The following PAEP variants were observed in gnomAD, a reference collection of about 807,000 sequenced individuals.
The protein encoded by PAEP is progestagen associated endometrial protein.
PAEP carries 28 observed loss-of-function variants against 23.0 expected under a neutral mutation model. That is an observed-to-expected ratio of 1.22 (90% CI 0.90 to 1.67). The LOEUF (loss-of-function observed/expected upper bound fraction) is 1.67, where lower values mean the gene tolerates loss of function less well. Ranked by LOEUF, PAEP falls within the 40% of genes most tolerant of loss-of-function variation. PAEP has a pLI of 0.00. For synonymous variants in PAEP, 103 were observed against 92.4 expected, an observed-to-expected ratio of 1.12 and a Z score of -0.66; for missense variants, 209 against 226.4, an observed-to-expected ratio of 0.92 and a Z score of 0.49.
At chr9:135,562,013 A>G in intron 1 of PAEP, 116 bp downstream of exon 1, 1 of 870,506 alleles carries the variant, frequency 1.1e-6, no homozygotes, top group Admixed American at 2.4e-5. Flanking sequence ...AATGGACGCC[A>G]TGACGTCAGG....
Position 135,562,817 on chromosome 9 carries a change from C to G in PAEP, c.237-3C>G, listed in dbSNP as rs779858108. 1.4e-5 allele frequency: 23 copies of G among 1,612,608 alleles called. No individual in the cohort carries two copies. The South Asian group carries it at 2.4e-4, about 17-fold the overall frequency. On this transcript the variant is annotated splice_polypyrimidine_tract_variant and splice_region_variant and intron_variant, in intron 2 of 6. Transcript: ENST00000479141. ...CACTCATCCTATTGTCACCACCTTT[C>G]AGGGAGAACAACAGCTGTGTTGAGA...
intron 5 of PAEP, 92 bp downstream of exon 5, chr9:135,565,606 G>A (rs1832541458): frequency 1.4e-6 from 2 of 1,406,618 alleles, no homozygotes; most frequent in Non-Finnish European, 2.0e-6. Flanking sequence ...CAGGACTCAG[G>A]TCACTCCTTT....
chr9:135,565,933 G>A, intron 6 of PAEP, 132 bp downstream of exon 6: 1 of 1,005,364 alleles, frequency 9.9e-7, no homozygotes, highest in Non-Finnish European at 1.6e-6. Flanking sequence ...AATGAACTGG[G>A]GTCTGGTCTT....
In PAEP at chr9:135,562,349, C is replaced by A; in HGVS notation, c.152C>A (p.Ala51Glu). 1 of 1,614,108 alleles carries A rather than the reference C, an allele frequency of 6.2e-7. No individual in the cohort carries two copies. Among genetic ancestry groups the A allele is most frequent in the East Asian group, 2.2e-5 (1 of 44,874 alleles). The part of the protein sequence containing the change: ...AMATNNISLM[A>E]TLKAPLRVHI... ...GCGACCAACAACATCTCCCTCATGG[C>A]GACACTGAAGGCCCCTCTGAGGGTC... Residue 51 changes from alanine to glutamate, a missense_variant, in exon 2 of 7, where the codon GCG (alanine) becomes GAG (glutamate). Transcript: ENST00000479141.
At chr9:135,562,227 C>T (rs563103649) in intron 1 of PAEP, 67 bp from the exon 2 acceptor site, 73 of 1,568,252 alleles carry the variant, frequency 4.7e-5, no homozygotes, top group Middle Eastern at 1.8e-4. Flanking sequence ...GACTCAGCCC[C>T]GTCTGCACCG....
In PAEP at chr9:135,565,623, CCTCCCCTGTT is replaced by C. The variant is rs748373190; in HGVS notation, c.526+118_526+127del. 6.8e-5 allele frequency: 93 copies of C among 1,360,210 alleles called. No homozygotes were observed. In the East Asian group the frequency reaches 2.2e-3, roughly 31 times the overall value. The allele number at this position is 1,360,210 out of a possible 1,614,324, so 84.3% of individuals were successfully genotyped here. Reference sequence around the variant, plus strand: ...GGACTCAGGTCACTCCTTTTTGGCCCCTCCCCTGTTCTCCCCTGGCCTTCTGGGGTGCAGA... The same window carrying C: ...GGACTCAGGTCACTCCTTTTTGGCCCCTCCCCTGGCCTTCTGGGGTGCAGA... On this transcript the variant is annotated intron_variant, in intron 5 of 6. Transcript: ENST00000479141.
rs200495963 is a variant in PAEP, at chr9:135,562,842, A to C, written c.259A>C (p.Lys87Gln). ...HRWENNSCVE[K>Q]KVLGEKTENP... ...CAGGGAGAACAACAGCTGTGTTGAGAAGAAGGTCCTTGGAGAGAAGACTGA... is the reference window on the plus strand; with the variant it reads ...CAGGGAGAACAACAGCTGTGTTGAGCAGAAGGTCCTTGGAGAGAAGACTGA... Residue 87 changes from lysine (K) to glutamine (Q), a missense_variant, in exon 3 of 7, where the codon AAG (lysine) becomes CAG (glutamine). Transcript: ENST00000479141. 1.2e-6 allele frequency: 2 copies of C among 1,613,860 alleles called. No individual in the cohort carries two copies. Among genetic ancestry groups the C allele is most frequent in the Non-Finnish European group, 1.7e-6 (2 of 1,179,874 alleles).
intron 4 of PAEP, 73 bp downstream of exon 4, chr9:135,564,427 A>G: frequency 2.0e-6 from 3 of 1,526,592 alleles, no homozygotes; most frequent in Non-Finnish European, 2.6e-6. Flanking sequence ...AACCCTGGGG[A>G]GCTGACAACT....
chr9:135,565,255 A>G (rs981229925), intron 4 of PAEP, 155 bp from the exon 5 acceptor site: 2 of 645,730 alleles, frequency 3.1e-6, no homozygotes, highest in South Asian at 3.8e-5. Context: ...AGAGCCCCGG[A>G]GACCGCCCTA....
At chr9:135,564,905 G>A (rs1380480995) in intron 4 of PAEP, 7 of 982,576 alleles carry the variant, frequency 7.1e-6, no homozygotes, top group Non-Finnish European at 8.5e-6. Flanking sequence ...GGGCTTGGTG[G>A]ATAGATTAAT....
At position 135,562,897 on chromosome 9, in the gene PAEP, A is replaced by G; in HGVS notation, c.310+4A>G. Reference sequence around the variant, plus strand: ...CCAAAGAAGTTCAAGATCAACTGTGAGTGTCCCCAGGCCCCAAGGGCTGGC... The same window carrying G: ...CCAAAGAAGTTCAAGATCAACTGTGGGTGTCCCCAGGCCCCAAGGGCTGGC... On this transcript the variant is annotated splice_donor_region_variant and intron_variant, in intron 3 of 6. Coordinates refer to ENST00000479141, the MANE Select transcript of PAEP (RefSeq NM_002571.4). The G allele has an allele frequency of 1.2e-6, 2 of 1,611,346 alleles. No individual in the cohort carries two copies. Among genetic ancestry groups the G allele is most frequent in the Non-Finnish European group, 1.7e-6 (2 of 1,177,506 alleles).
At chr9:135,562,691 G>A (rs1275349141) in intron 2 of PAEP, 129 bp from the exon 3 acceptor site, 12 of 864,762 alleles carry the variant, frequency 1.4e-5, no homozygotes, top group Non-Finnish European at 2.1e-5. Flanking sequence ...TGAGGAGAAG[G>A]TCTGGGCGGC....
In PAEP at chr9:135,562,355, T is replaced by C. The variant is rs374587169; in HGVS notation, c.158T>C (p.Leu53Pro). 6.8e-6 allele frequency: 11 copies of C among 1,613,974 alleles called. No individual in the cohort carries two copies. The African/African-American group carries it at 9.3e-5, about 14-fold the overall frequency. Reference protein sequence around the residue: ...ATNNISLMATLKAPLRVHITS... With the variant: ...ATNNISLMATPKAPLRVHITS... ...AACAACATCTCCCTCATGGCGACAC[T>C]GAAGGCCCCTCTGAGGGTCCACATC... Residue 53 changes from leucine (L) to proline (P), a missense_variant, in exon 2 of 7, where the codon CTG becomes CCG. Physicochemically the swap from Leu to Pro is moderately conservative, Grantham distance 98. Coordinates refer to ENST00000479141, the MANE Select transcript of PAEP (RefSeq NM_002571.4).
At chr9:135,564,938 A>G in intron 4 of PAEP, 1 of 924,426 alleles carries the variant, frequency 1.1e-6, no homozygotes, top group African/African-American at 1.8e-5. Context: ...TCCAGTCAAA[A>G]CGCCCTGAAA....
chr9:135,565,875 C>G, intron 6 of PAEP, 74 bp downstream of exon 6: 1 of 1,510,410 alleles, frequency 6.6e-7, no homozygotes, highest in Non-Finnish European at 9.2e-7. Context: ...CCTCTCTGGG[C>G]CCCTGGGACA....
At chr9:135,563,550 G>A in intron 3 of PAEP, among the ~76,000 whole-genome samples, 1 of 152,174 alleles carries the variant, frequency 6.6e-6, no homozygotes, top group Admixed American at 6.5e-5. Flanking sequence ...AGGTGGGCAA[G>A]TGGCTGCTGT....
chr9:135,563,953 G>A (rs879386982), intron 3 of PAEP, among the ~76,000 whole-genome samples: 7 of 152,068 alleles, frequency 4.6e-5, no homozygotes, highest in Admixed American at 3.9e-4. Context: ...TCACCCGTAC[G>A]TGACTTCTCA....
intron 5 of PAEP, 21 bp downstream of exon 5, chr9:135,565,535 G>A (rs771796316): frequency 5.1e-5 from 82 of 1,596,942 alleles, no homozygotes; most frequent in Non-Finnish European, 6.6e-5. Flanking sequence ...CCTAGGACAC[G>A]CCCAGCCTCA....
At position 135,562,835 on chromosome 9, in the gene PAEP, T is replaced by A. The variant is rs1832374974; in HGVS notation, c.252T>A (p.Cys84Ter). 1 of 1,613,868 alleles carries A rather than the reference T, an allele frequency of 6.2e-7. No homozygotes were observed. Residue 84 changes from cysteine to a stop codon, truncating the protein, a stop_gained, in exon 3 of 7, where the codon TGT (cysteine) becomes TGA (stop). Coordinates refer to ENST00000479141, the MANE Select transcript of PAEP (RefSeq NM_002571.4). LOFTEE classifies it high-confidence loss of function. Reference protein sequence around the residue: ...IVLHRWENNSCVEKKVLGEKT... With the variant: ...IVLHRWENNS ...CACCTTTCAGGGAGAACAACAGCTG[T>A]GTTGAGAAGAAGGTCCTTGGAGAGA...
Sources: gnomAD v4.1 joint callset for allele counts (sites outside exome capture counted in the v4.1 genomes callset) on GRCh38, gnomAD v4.1.1 for gene constraint, MANE v1.5 for transcripts, NCBI Gene and HGNC (gene_info 2026-07-23, HGNC 2026-07-21) for gene names.